Variants in PPM1A observed in about 807,000 individuals in gnomAD.
The protein encoded by PPM1A is protein phosphatase 1A.
Under a neutral mutation model 35.0 loss-of-function variants are expected in PPM1A, and 7 were observed. The observed-to-expected ratio is 0.20, with a 90% CI of 0.11 to 0.38. The LOEUF (loss-of-function observed/expected upper bound fraction) is 0.38, where lower values mean the gene tolerates loss of function less well. PPM1A is among the 10% of genes least tolerant of loss of function. The pLI, the probability that PPM1A is intolerant of heterozygous loss-of-function variation, is 1.00. For missense variants in PPM1A, 239 were observed against 467.8 expected, an observed-to-expected ratio of 0.51 and a Z score of 4.51; for synonymous variants, 153 against 167.3, an observed-to-expected ratio of 0.91 and a Z score of 0.66.
In PPM1A at chr14:60,291,393, T is replaced by C; in HGVS notation, c.1062-4T>C. On this transcript the variant is annotated splice_polypyrimidine_tract_variant and splice_region_variant and intron_variant, in intron 4 of 5. Coordinates refer to ENST00000395076, the MANE Select transcript of PPM1A (RefSeq NM_021003.5). ...ATTAATTTTCTGCATTTTTTTACAC[T>C]TAGGAGGAATGTTATTGAAGCCGTT... The C allele has an allele frequency of 6.4e-7, 1 of 1,550,704 alleles. No individual in the cohort carries two copies. Among genetic ancestry groups the C allele is most frequent in the Non-Finnish European group, 8.8e-7 (1 of 1,141,632 alleles).
At chr14:60,252,536 G>T (rs939354692) in intron 1 of PPM1A, among the ~76,000 whole-genome samples, 2 of 152,136 alleles carry the variant, frequency 1.3e-5, no homozygotes, top group African/African-American at 4.8e-5. Context: ...GAGAAGAGGA[G>T]AAGGTATAGT....
rs1887329831 is a variant in PPM1A, at chr14:60,289,013, A to C, written c.953-793A>C. Among the ~76,000 whole-genome samples, 1 of 152,280 alleles carries C rather than the reference A, an allele frequency of 6.6e-6. No homozygotes were observed. The highest frequency in any genetic ancestry group is 6.5e-5 in the Admixed American group (1 of 15,302). On this transcript the variant is annotated intron_variant, in intron 3 of 5. Coordinates refer to ENST00000395076, the MANE Select transcript of PPM1A (RefSeq NM_021003.5). This position sits in a 1 kb window ranked among gnomAD's most constrained non-coding sequence, Gnocchi z 4.1. ...TTTTATATTTTGTGATGTGAATAAT[A>C]GTATGCATCTGCATGACAACACTGC...
chr14:60,255,070 C>T (rs771546446), intron 1 of PPM1A, among the ~76,000 whole-genome samples: 1 of 151,824 alleles, frequency 6.6e-6, no homozygotes, highest in Non-Finnish European at 1.5e-5. Context: ...AATATTTCTT[C>T]TTCCACAAAG....
chr14:60,280,347 C>T (rs577521150), intron 1 of PPM1A, among the ~76,000 whole-genome samples: 9 of 152,106 alleles, frequency 5.9e-5, no homozygotes, highest in African/African-American at 9.7e-5. Context: ...GAAAGAGATT[C>T]GGAAAGGTTC....
intron 1 of PPM1A, chr14:60,250,552 A>G (rs1882265756): frequency 2.0e-6 from 1 of 500,450 alleles, no homozygotes. Context: ...TGTCCAAGCC[A>G]TGGGATCTGT....
intron 3 of PPM1A, 90 bp downstream of exon 3, chr14:60,285,831 G>A: frequency 6.5e-7 from 1 of 1,541,174 alleles, no homozygotes; most frequent in African/African-American, 1.4e-5. Context: ...AGATTTTTAT[G>A]TGTCTTTGAC....
intron 1 of PPM1A, among the ~76,000 whole-genome samples, chr14:60,262,548 T>C (rs927410316): frequency 6.6e-6 from 1 of 152,064 alleles, no homozygotes; most frequent in African/African-American, 2.4e-5. Context: ...TAGCTGGACG[T>C]GGTGGCACAT....
chr14:60,246,688 TATG>T (rs201550553), upstream of PPM1A, among the ~76,000 whole-genome samples: 2,856 of 152,314 alleles, frequency 0.019, 51 homozygotes, highest in Admixed American at 0.041. Flanking sequence ...TAAAAGGGGA[TATG>T]ATGATATTAA....
In PPM1A at chr14:60,289,898, G is replaced by T; in HGVS notation, c.1045G>T (p.Gly349Cys). ...SENIPSLPPG[G>C]ELASKRNVIE... ...GAACATCCCCAGCCTCCCACCAGGG[G>T]GTGAATTGGCAAGCAAGTAAGTTAC... Residue 349 changes from glycine (G) to cysteine (C), a missense_variant, in exon 4 of 6, where the codon GGT becomes TGT. Gly to Cys is a radical substitution (Grantham distance 159). Coordinates refer to ENST00000395076, the MANE Select transcript of PPM1A (RefSeq NM_021003.5). This position sits in a 1 kb window ranked among gnomAD's most constrained non-coding sequence, Gnocchi z 4.1. 6.3e-7 allele frequency: 1 copy of T among 1,584,284 alleles called. No homozygotes were observed. Among genetic ancestry groups the T allele is most frequent in the Non-Finnish European group, 8.5e-7 (1 of 1,171,246 alleles).
At chr14:60,253,294 G>GTCATGA (rs773389499) in intron 1 of PPM1A, among the ~76,000 whole-genome samples, 3 of 152,114 alleles carry the variant, frequency 2.0e-5, no homozygotes, top group Non-Finnish European at 4.4e-5. Context: ...TCTAGATACA[G>GTCATGA]AAGAACGTCA....
upstream of PPM1A, chr14:60,248,616 G>T (rs941934269): frequency 6.6e-6 from 1 of 152,354 alleles, no homozygotes; most frequent in African/African-American, 2.4e-5. Flanking sequence ...GGGTAGGGGG[G>T]TCTGGCAGCT....
chr14:60,291,002 G>A (rs1887576150), intron 4 of PPM1A, among the ~76,000 whole-genome samples: 2 of 152,048 alleles, frequency 1.3e-5, no homozygotes, highest in Admixed American at 1.3e-4. Flanking sequence ...TAAATATAAA[G>A]TATAATCTGA....
chr14:60,268,667 T>C (rs1040899613), intron 1 of PPM1A, among the ~76,000 whole-genome samples: 2 of 150,728 alleles, frequency 1.3e-5, no homozygotes, highest in South Asian at 2.1e-4. Flanking sequence ...AAGTGTGAAT[T>C]TTTTTTTTTC....
At chr14:60,268,948 T>G (rs1313790163) in intron 1 of PPM1A, among the ~76,000 whole-genome samples, 2 of 151,556 alleles carry the variant, frequency 1.3e-5, no homozygotes, top group Non-Finnish European at 2.9e-5. Context: ...TTTCTTTTTT[T>G]TTTTTTTGGT....
In PPM1A at chr14:60,283,374, T is replaced by C. The variant is rs1254774582; in HGVS notation, c.671T>C (p.Ile224Thr). The stretch of plus-strand genomic sequence containing the variant: ...TCACCAGAGCCTGAAGTCCATGATA[T>C]TGAAAGATCTGAAGAAGATGATCAG... ...LVSPEPEVHD[I>T]ERSEEDDQFI... is the part of the protein sequence containing the mutation. The change falls in exon 2 of 6, where the codon ATT (isoleucine) becomes ACT (threonine). Residue 224 changes from isoleucine to threonine, a missense_variant. Transcript: ENST00000395076. The surrounding 1 kb of genome is among the most constrained non-coding windows in gnomAD (Gnocchi z 6.3). 6.2e-7 allele frequency: 1 copy of C among 1,614,210 alleles called. No homozygotes were observed. Among genetic ancestry groups the C allele is most frequent in the Non-Finnish European group, 8.5e-7 (1 of 1,180,030 alleles).
chr14:60,246,103 G>T (rs1595238772), upstream of PPM1A: 3 of 1,461,894 alleles, frequency 2.1e-6, no homozygotes, highest in East Asian at 7.2e-5. Flanking sequence ...TCTAACTCTT[G>T]AGTAGTGACT....
At position 60,273,391 on chromosome 14, in the gene PPM1A, C is replaced by G. The variant is rs1254602284; in HGVS notation, c.-20-9293C>G. Among the ~76,000 whole-genome samples, 1 of 152,004 alleles carries G rather than the reference C, an allele frequency of 6.6e-6. No homozygotes were observed. The highest frequency in any genetic ancestry group is 1.5e-5 in the Non-Finnish European group (1 of 67,996). ...AAGGAAGTATGATGAGTACTAGGTA[C>G]TGTAAGAAAACCCTTGTGGTTGGAG... On this transcript the variant is annotated intron_variant, in intron 1 of 5. Coordinates refer to ENST00000395076, the MANE Select transcript of PPM1A (RefSeq NM_021003.5). This position sits in a 1 kb window ranked among gnomAD's most constrained non-coding sequence, Gnocchi z 4.3.
At position 60,292,596 on chromosome 14, in the gene PPM1A, T is replaced by C; in HGVS notation, c.*114T>C. ...TTTAAGGAAGGGGATATGACATGGG[T>C]GAGAATGATTACATCAGAGAACTTC... On this transcript the variant is annotated 3_prime_UTR_variant, in exon 6 of 6. Coordinates refer to ENST00000395076, the MANE Select transcript of PPM1A (RefSeq NM_021003.5). This position sits in a 1 kb window ranked among gnomAD's most constrained non-coding sequence, Gnocchi z 4.2. 1.2e-6 allele frequency: 1 copy of C among 844,400 alleles called. No homozygotes were observed. Among genetic ancestry groups the C allele is most frequent in the Non-Finnish European group, 1.9e-6 (1 of 534,876 alleles). 52.3% of individuals were successfully genotyped at this position (844,400 alleles called of 1,614,324 possible).
intron 5 of PPM1A, among the ~76,000 whole-genome samples, chr14:60,291,744 T>C: frequency 6.7e-6 from 1 of 149,824 alleles, no homozygotes; most frequent in Admixed American, 6.7e-5. Flanking sequence ...TTGCCTCCAC[T>C]ACATGGTTTT....
Sources: allele counts gnomAD v4.1 joint callset (sites outside exome capture counted in the v4.1 genomes callset), GRCh38; gene constraint gnomAD v4.1.1; non-coding constraint Gnocchi (gnomAD v3.1); transcripts MANE v1.5; gene names NCBI Gene and HGNC (gene_info 2026-07-23, HGNC 2026-07-21).